NEDD4L: variants seen among roughly 807,000 people sequenced by gnomAD.
NEDD4L encodes the protein E3 ubiquitin-protein ligase NEDD4-like.
Under a neutral mutation model 148.9 loss-of-function variants are expected in NEDD4L, and 54 were observed. The ratio of observed to expected loss-of-function variants is 0.36; its 90% CI spans 0.29 to 0.45. The LOEUF (loss-of-function observed/expected upper bound fraction) is 0.45. Ranked by LOEUF, NEDD4L falls within the 20% of genes least tolerant of loss-of-function variation. The probability of loss-of-function intolerance (pLI) is 1.00; values close to 1 mark genes in which losing one functional copy is unlikely to be tolerated. For synonymous variants in NEDD4L, 433 were observed against 440.7 expected, an observed-to-expected ratio of 0.98 and a Z score of 0.22; for missense variants, 856 against 1,233.8, an observed-to-expected ratio of 0.69 and a Z score of 4.59.
intron 13 of NEDD4L, among the ~76,000 whole-genome samples, chr18:58,340,201 A>G (rs2042251800): frequency 2.0e-5 from 3 of 152,082 alleles, no homozygotes; most frequent in Admixed American, 1.3e-4. Context: ...GCCTCCATAC[A>G]TCATCAACAC....
intron 5 of NEDD4L, among the ~76,000 whole-genome samples, chr18:58,262,523 A>G (rs1053003592): frequency 2.2e-4 from 33 of 151,436 alleles, no homozygotes; most frequent in African/African-American, 8.0e-4. Flanking sequence ...CAGCTTCTTG[A>G]GAGGCTGAGG....
intron 24 of NEDD4L, among the ~76,000 whole-genome samples, chr18:58,378,145 C>G (rs532265837): frequency 6.6e-6 from 1 of 152,060 alleles, no homozygotes; most frequent in South Asian, 2.1e-4. Flanking sequence ...TCTTTAGGAT[C>G]GGGTCGAGCC....
intron 1 of NEDD4L, among the ~76,000 whole-genome samples, chr18:58,150,639 A>C (rs2034609064): frequency 6.6e-6 from 1 of 152,262 alleles, no homozygotes; most frequent in Non-Finnish European, 1.5e-5. Flanking sequence ...GATGTTAGAT[A>C]GATCTAGCTT....
chr18:58,388,083 A>G (rs999849004), intron 27 of NEDD4L: 2 of 152,454 alleles, frequency 1.3e-5, no homozygotes, highest in African/African-American at 4.8e-5. Context: ...AGCAAAAGGT[A>G]GTTTAGTGAT....
At chr18:58,327,119 G>C (rs2059379223) in intron 9 of NEDD4L, among the ~76,000 whole-genome samples, 1 of 152,102 alleles carries the variant, frequency 6.6e-6, no homozygotes, top group African/African-American at 2.4e-5. Context: ...TTTTTCTGTT[G>C]TTGTTTGAGA....
At chr18:58,191,576 G>A (rs1284387143) in intron 2 of NEDD4L, among the ~76,000 whole-genome samples, 1 of 152,224 alleles carries the variant, frequency 6.6e-6, no homozygotes, top group Non-Finnish European at 1.5e-5. Context: ...GCCTTGGTAT[G>A]TACAACTTAA....
At position 58,150,191 on chromosome 18, in the gene NEDD4L, T is replaced by C. The variant is rs1033653558; in HGVS notation, c.49-15597T>C. Among the ~76,000 whole-genome samples, 7 of 152,378 alleles carry C rather than the reference T, an allele frequency of 4.6e-5. No individual in the cohort carries two copies. In the South Asian group the frequency reaches 1.2e-3, roughly 27 times the overall value. On this transcript the variant is annotated intron_variant, in intron 1 of 30. Transcript: ENST00000400345. The stretch of plus-strand genomic sequence containing the variant: ...CTAAATCAATGCATCATTTACCTCC[T>C]ATCTCTCTTGCTGGCCGAGCCATCA...
In NEDD4L at chr18:58,044,252, CGAG is replaced by C. The variant is rs1459508652; in HGVS notation, c.-404_-402del. 2 of 149,430 alleles carry C rather than the reference CGAG, an allele frequency of 1.3e-5. No homozygotes were observed. The highest frequency in any genetic ancestry group is 4.9e-5 in the African/African-American group (2 of 40,918). The allele number at this position is 149,430 out of a possible 1,614,324, so 9.3% of individuals were successfully genotyped here. A position where few individuals can be genotyped will look rare whatever the true frequency, so the allele number is the denominator to read the frequency against. On this transcript the variant is annotated 5_prime_UTR_variant, in exon 1 of 31. Coordinates refer to ENST00000400345, the MANE Select transcript of NEDD4L (RefSeq NM_001144967.3). The stretch of plus-strand genomic sequence containing the variant: ...AGAGCGGGGGCCCGGACGGCGCTAG[CGAG>C]GAGGCGGGCGAGCCGGGTCCCCGGG...
intron 13 of NEDD4L, among the ~76,000 whole-genome samples, chr18:58,336,502 G>A (rs970008794): frequency 6.6e-5 from 10 of 152,052 alleles, no homozygotes; most frequent in South Asian, 2.1e-4. Flanking sequence ...GCGTGAACCC[G>A]GGAGGCAGAG....
intron 2 of NEDD4L, among the ~76,000 whole-genome samples, chr18:58,197,320 T>C (rs368486395): frequency 2.6e-5 from 4 of 152,198 alleles, no homozygotes; most frequent in African/African-American, 9.7e-5. Context: ...GTGATGGTTC[T>C]ACCTCATAAG....
At chr18:58,199,020 G>A (rs1039222412) in intron 2 of NEDD4L, among the ~76,000 whole-genome samples, 1 of 152,186 alleles carries the variant, frequency 6.6e-6, no homozygotes, top group Non-Finnish European at 1.5e-5. Flanking sequence ...TCGAACTCCT[G>A]ACCTCAGGTG....
At chr18:58,237,118 C>A (rs2046126141) in intron 2 of NEDD4L, among the ~76,000 whole-genome samples, 2 of 152,172 alleles carry the variant, frequency 1.3e-5, no homozygotes, top group Middle Eastern at 6.8e-3. Context: ...TTCACAAAGG[C>A]AAAATCTGCA....
At position 58,363,091 on chromosome 18, in the gene NEDD4L, A is replaced by T. The variant is rs1017854631; in HGVS notation, c.1768-1177A>T. On this transcript the variant is annotated intron_variant, in intron 19 of 30. Coordinates refer to ENST00000400345, the MANE Select transcript of NEDD4L (RefSeq NM_001144967.3). ...TATAGATTGCTCCTAAGCTATATAAAGATGATGTATTTTTTGCTCTGGAAT... is the reference window on the plus strand; with the variant it reads ...TATAGATTGCTCCTAAGCTATATAATGATGATGTATTTTTTGCTCTGGAAT... 3.8e-4 allele frequency among the ~76,000 whole-genome samples: 58 copies of T among 152,248 alleles called. 2 individuals carry two copies. Among genetic ancestry groups the T allele is most frequent in the Admixed American group, 3.5e-3 (53 of 15,292 alleles).
At chr18:58,265,210 A>T (rs1039023690) in intron 5 of NEDD4L, among the ~76,000 whole-genome samples, 1 of 151,994 alleles carries the variant, frequency 6.6e-6, no homozygotes, top group Non-Finnish European at 1.5e-5. Flanking sequence ...CCTCCCAGGG[A>T]TGTGGTGGTC....
chr18:58,210,284 A>T (rs982188749), intron 2 of NEDD4L, among the ~76,000 whole-genome samples: 1 of 152,262 alleles, frequency 6.6e-6, no homozygotes, highest in Non-Finnish European at 1.5e-5. Context: ...AACACATTTG[A>T]AAATATAGGG....
intron 1 of NEDD4L, among the ~76,000 whole-genome samples, chr18:58,082,557 C>T (rs564089486): frequency 4.0e-5 from 6 of 150,830 alleles, no homozygotes; most frequent in Admixed American, 1.3e-4. Context: ...GGATCACCTG[C>T]GGTCAGGAGT....
chr18:58,354,903 A>C (rs1046192292), intron 18 of NEDD4L, among the ~76,000 whole-genome samples: 22 of 152,338 alleles, frequency 1.4e-4, no homozygotes, highest in African/African-American at 5.3e-4. Context: ...TCAAAGCCCC[A>C]GGAAGAGTGA....
Position 58,256,203 on chromosome 18 carries a change from C to T in NEDD4L, c.297+4149C>T, listed in dbSNP as rs759980297. The stretch of plus-strand genomic sequence containing the variant: ...GTGGACTGCGCGGAGGAGGCTGCCC[C>T]GGGCCTGCGCATCCAGCACCGCGCC... On this transcript the variant is annotated intron_variant, in intron 5 of 30. Coordinates refer to ENST00000400345, the MANE Select transcript of NEDD4L (RefSeq NM_001144967.3). This position sits in a 1 kb window ranked among gnomAD's most constrained non-coding sequence, Gnocchi z 5.2. The T allele has an allele frequency of 3.4e-4, 409 of 1,219,518 alleles. 1 individual carries two copies. The highest frequency in any genetic ancestry group is 2.1e-4 in the South Asian group (5 of 24,248). The allele number at this position is 1,219,518 out of a possible 1,614,324, so 75.5% of individuals were successfully genotyped here.
Position 58,166,153 on chromosome 18 carries a change from G to T in NEDD4L, c.122+292G>T, listed in dbSNP as rs75403298. The stretch of plus-strand genomic sequence containing the variant: ...TGTATTCTCAGTAGAAAAATACAGT[G>T]TGGGACTATGGCTCTGCTTATTTTA... On this transcript the variant is annotated intron_variant, in intron 2 of 30. Transcript: ENST00000400345. Among the ~76,000 whole-genome samples, 1,711 of 152,324 alleles carry T rather than the reference G, an allele frequency of 0.011. 31 individuals are homozygous for T. Among genetic ancestry groups the T allele is most frequent in the African/African-American group, 0.039 (1,632 of 41,562 alleles).
Sources: gnomAD v4.1 joint callset for allele counts (sites outside exome capture counted in the v4.1 genomes callset) on GRCh38, gnomAD v4.1.1 for gene constraint, Gnocchi (gnomAD v3.1) non-coding constraint, MANE v1.5 for transcripts, NCBI Gene and HGNC (gene_info 2026-07-23, HGNC 2026-07-21) for gene names.